ENO1: variants seen among roughly 807,000 people sequenced by gnomAD.
The protein encoded by ENO1 is enolase 1, also known as alpha-enolase.
Under a neutral mutation model 46.3 loss-of-function variants are expected in ENO1, and 33 were observed. That is an observed-to-expected ratio of 0.71 (90% CI 0.54 to 0.95). The LOEUF is 0.95. ENO1 is among the 40% of genes least tolerant of loss of function. ENO1 has a pLI of 0.00. For missense variants in ENO1, 488 were observed against 553.3 expected (o/e 0.88, Z 1.18); for synonymous variants, 220 against 216.0 (o/e 1.02, Z -0.16).
intron 10 of ENO1, 81 bp downstream of exon 10, chr1:8,863,154 G>A: frequency 6.6e-7 from 1 of 1,516,558 alleles, no homozygotes; most frequent in Non-Finnish European, 9.0e-7. Context: ...GCAAAACGGG[G>A]ACAGACATGG....
At position 8,864,091 on chromosome 1, in the gene ENO1, C is replaced by T; in HGVS notation, c.867G>A (p.Val289=). The change falls in exon 9 of 12, where the codon GTG becomes GTA. Residue 289 remains valine (V), a splice_region_variant and synonymous_variant. Transcript: ENST00000234590. ...GGTCAAAGGGATCTTCGATAGACAC[C>T]ACTAAGGAAAGGAGGGACACGCTTC... The part of the protein sequence containing the change: ...LYKSFIKDYP[V]VSIEDPFDQD... The T allele has an allele frequency of 1.9e-6, 3 of 1,614,048 alleles. No individual in the cohort carries two copies. In the South Asian group the frequency reaches 3.3e-5, roughly 18 times the overall value.
chr1:8,863,297 G>A lies in ENO1; in HGVS notation c.1114C>T (p.Arg372Cys), dbSNP rs150781341. The A allele has an allele frequency of 5.6e-6, 9 of 1,614,162 alleles. No individual in the cohort carries two copies. Among genetic ancestry groups the A allele is most frequent in the Non-Finnish European group, 7.6e-6 (9 of 1,180,026 alleles). Residue 372 changes from arginine to cysteine, a missense_variant, in exon 10 of 12, where the codon CGT (arginine) becomes TGT (cysteine). Coordinates refer to ENST00000234590, the MANE Select transcript of ENO1 (RefSeq NM_001428.5). ...AAGGTATCTTCAGTCTCCCCCGAAC[G>A]ATGAGACACCATGACGCCCCAACCA... ...ANGWGVMVSH[R>C]SGETEDTFIA...
At chr1:8,869,930 G>A (rs1463119317) in intron 4 of ENO1, among the ~76,000 whole-genome samples, 1 of 152,162 alleles carries the variant, frequency 6.6e-6, no homozygotes, top group Non-Finnish European at 1.5e-5. Flanking sequence ...ACGGAGGGAC[G>A]GGCCGAAGGG....
At chr1:8,865,181 C>G (rs1183439353) in intron 8 of ENO1, 104 bp downstream of exon 8, 1 of 1,411,964 alleles carries the variant, frequency 7.1e-7, no homozygotes, top group Non-Finnish European at 9.8e-7. Flanking sequence ...CAGACACTCC[C>G]TCCCCATCCC....
rs752246684 is a variant in ENO1, at chr1:8,862,855, A to G, written c.1235+32T>C. 8.1e-6 allele frequency: 13 copies of G among 1,611,876 alleles called. No individual in the cohort carries two copies. The South Asian group carries it at 1.4e-4, about 18-fold the overall frequency. On this transcript the variant is annotated intron_variant, in intron 11 of 11. Coordinates refer to ENST00000234590, the MANE Select transcript of ENO1 (RefSeq NM_001428.5). Reference sequence around the variant, plus strand: ...AGTGCAGGCCCCCACCTAGTGAACCACAGGCCCCTTGTTCTCAGGAGCCCT... The same window carrying G: ...AGTGCAGGCCCCCACCTAGTGAACCGCAGGCCCCTTGTTCTCAGGAGCCCT...
chr1:8,868,930 GCCTCCTAAAGT>G (rs991993543), intron 4 of ENO1, among the ~76,000 whole-genome samples: 2 of 152,118 alleles, frequency 1.3e-5, no homozygotes, highest in Admixed American at 6.6e-5. Flanking sequence ...GCCCACCTCA[GCCTCCTAAAGT>G]CCTCCTAAAG....
chr1:8,865,208 C>T, intron 8 of ENO1, 77 bp downstream of exon 8: 1 of 1,565,948 alleles, frequency 6.4e-7, no homozygotes, highest in Non-Finnish European at 8.8e-7. Flanking sequence ...GCAGCCATCA[C>T]CAGCCAGCCA....
At chr1:8,861,534 C>T (rs375678220) in intron 11 of ENO1, 105 bp from the exon 12 acceptor site, 22 of 1,175,414 alleles carry the variant, frequency 1.9e-5, no homozygotes, top group East Asian at 1.7e-4. Flanking sequence ...AGCCCCACTC[C>T]TGGGAAGTTG....
At position 8,861,676 on chromosome 1, in the gene ENO1, C is replaced by T. The variant is rs2071413; in HGVS notation, c.1236-247G>A. 3.8e-3 allele frequency among the ~76,000 whole-genome samples: 581 copies of T among 152,146 alleles called. 25 individuals are homozygous for T. In the East Asian group the frequency reaches 0.099, roughly 26 times the overall value. Reference sequence around the variant, plus strand: ...ACCATGCTAGGTGCCCTCCACCCACCGCCCCTTCTCTTCCTCTCCTCTCCC... The same window carrying T: ...ACCATGCTAGGTGCCCTCCACCCACTGCCCCTTCTCTTCCTCTCCTCTCCC... On this transcript the variant is annotated intron_variant, in intron 11 of 11. Coordinates refer to ENST00000234590, the MANE Select transcript of ENO1 (RefSeq NM_001428.5).
rs1386039520 is a variant in ENO1 at position 8,871,319 on chromosome 1, G to A, written c.181+572C>T. 2 of 992,878 alleles carry A rather than the reference G, an allele frequency of 2.0e-6. 1 individual carries two copies. Among genetic ancestry groups the A allele is most frequent in the South Asian group, 9.3e-5 (2 of 21,420 alleles). 61.5% of individuals were successfully genotyped at this position (992,878 alleles called of 1,614,324 possible). A position where few individuals can be genotyped will look rare whatever the true frequency, so the allele number is the denominator to read the frequency against. The stretch of plus-strand genomic sequence containing the variant: ...GTGCTTTTCTGTAATTTGGCCACAT[G>A]TTCTATCTCTAGAAAGGTCAATGTT... On this transcript the variant is annotated intron_variant, in intron 3 of 11. Transcript: ENST00000234590.
chr1:8,865,162 C>G, intron 8 of ENO1, 123 bp downstream of exon 8: 1 of 1,198,978 alleles, frequency 8.3e-7, no homozygotes, highest in Non-Finnish European at 1.2e-6. Flanking sequence ...CCTACGGGAG[C>G]TGGAAGTTCA....
intron 3 of ENO1, chr1:8,870,967 AG>A: frequency 8.0e-7 from 1 of 1,246,852 alleles, no homozygotes. Context: ...AGAGACAGTG[AG>A]GGGGCAGGAA....
intron 1 of ENO1, among the ~76,000 whole-genome samples, chr1:8,876,843 G>GT (rs1642743204): frequency 8.4e-6 from 1 of 118,808 alleles, no homozygotes; most frequent in East Asian, 2.0e-4. Flanking sequence ...AATAAAGTGT[G>GT]ATTTTTTTTT....
intron 11 of ENO1, among the ~76,000 whole-genome samples, chr1:8,862,322 G>A (rs1642421843): frequency 6.6e-6 from 1 of 150,986 alleles, no homozygotes; most frequent in African/African-American, 2.4e-5. Flanking sequence ...GTATATGTTT[G>A]AAAATTTCCA....
rs775376513 is a variant in ENO1, at chr1:8,867,178, AC to A, written c.382del (p.Val128SerfsTer42). 6.2e-7 allele frequency: 1 copy of A among 1,613,564 alleles called. No homozygotes were observed. Among genetic ancestry groups the A allele is most frequent in the Admixed American group, 1.7e-5 (1 of 59,974 alleles). Reference sequence around the variant, plus strand: ...GTCAGCGATGTGGCGGTACAGGGGGACCCCCTTCTCAACGGCACCAGCTTTG... The same window carrying A: ...GTCAGCGATGTGGCGGTACAGGGGGACCCCTTCTCAACGGCACCAGCTTTG... The part of the protein sequence containing the change: ...VCKAGAVEKG[V>X]PLYRHIADLA... On this transcript the variant is annotated frameshift_variant, in exon 6 of 12. Transcript: ENST00000234590. LOFTEE classifies it high-confidence loss of function.
rs28999070 is a variant in ENO1 at position 8,871,161 on chromosome 1, G to A, written c.182-651C>T. 4.3e-4 allele frequency: 483 copies of A among 1,111,674 alleles called. 1 individual carries two copies. The African/African-American group carries it at 7.0e-3, about 16-fold the overall frequency. 68.9% of individuals were successfully genotyped at this position (1,111,674 alleles called of 1,614,324 possible). On this transcript the variant is annotated intron_variant, in intron 3 of 11. Transcript: ENST00000234590. ...AGAGTGCTTCTTACAGCATTAAAGCGGGACTGAACACCCAGCACCACCACT... is the reference window on the plus strand; with the variant it reads ...AGAGTGCTTCTTACAGCATTAAAGCAGGACTGAACACCCAGCACCACCACT...
rs1642537457 is a variant in ENO1 at position 8,867,171 on chromosome 1, C to T, written c.390G>A (p.Leu130=). 1 of 1,614,086 alleles carries T rather than the reference C, an allele frequency of 6.2e-7. No homozygotes were observed. The highest frequency in any genetic ancestry group is 8.5e-7 in the Non-Finnish European group (1 of 1,180,032). The change falls in exon 6 of 12, where the codon CTG becomes CTA. Residue 130 remains leucine (L), a synonymous_variant. Coordinates refer to ENST00000234590, the MANE Select transcript of ENO1 (RefSeq NM_001428.5). ...CAGCCAAGTCAGCGATGTGGCGGTA[C>T]AGGGGGACCCCCTTCTCAACGGCAC... The part of the protein sequence containing the change: ...KAGAVEKGVP[L]YRHIADLAGN...
rs756707613 is a variant in ENO1 at position 8,867,278 on chromosome 1, G to A, written c.311-28C>T. 26 of 1,611,814 alleles carry A rather than the reference G, an allele frequency of 1.6e-5. No homozygotes were observed. The East Asian group carries it at 1.8e-4, about 11-fold the overall frequency. On this transcript the variant is annotated intron_variant, in intron 5 of 11. Transcript: ENST00000234590. The stretch of plus-strand genomic sequence containing the variant: ...AGAACAGAAGAGAACCGAGTGGAAT[G>A]AAGTCATTTCTGATTCACCAGCTTT...
At chr1:8,863,837 T>G (rs1642454147) in intron 9 of ENO1, 54 bp downstream of exon 9, 13 of 1,598,390 alleles carry the variant, frequency 8.1e-6, no homozygotes, top group Non-Finnish European at 1.0e-5. Context: ...AGGGCCCTTT[T>G]CTGATTCACA....
Sources: gnomAD v4.1 joint callset for allele counts (sites outside exome capture counted in the v4.1 genomes callset) on GRCh38, gnomAD v4.1.1 for gene constraint, MANE v1.5 for transcripts, NCBI Gene and HGNC (gene_info 2026-07-23, HGNC 2026-07-21) for gene names.